Variants in CDIN1 observed in about 807,000 individuals in gnomAD.
CDIN1 encodes CDAN1-interacting nuclease 1.
In CDIN1, 33 loss-of-function variants were observed where a neutral mutation model predicts 45.3. The observed-to-expected ratio is 0.73, with a 90% CI of 0.55 to 0.97. CDIN1 has a LOEUF of 0.97. Ranked by LOEUF, CDIN1 falls within the 50% of genes least tolerant of loss-of-function variation. The probability of loss-of-function intolerance (pLI) is 0.00; values close to 1 mark genes in which losing one functional copy is unlikely to be tolerated. For missense variants in CDIN1, 303 were observed against 339.4 expected (o/e 0.89, Z 0.84); for synonymous variants, 118 against 124.4 (o/e 0.95, Z 0.34).
intron 8 of CDIN1, chr15:36,708,315 A>G (rs1262380172): frequency 6.6e-6 from 1 of 152,122 alleles, no homozygotes; most frequent in Non-Finnish European, 1.5e-5. Context: ...TCGGGCCATT[A>G]GTTGAGGTTG....
rs546693178 is a variant in CDIN1, at chr15:36,797,860, G to A, written c.717-10464G>A. ...CTGGGCATGGTGGTGCATGCCTGTA[G>A]TCCCAGCTCCTCAGGAGACTGAGGC... On this transcript the variant is annotated intron_variant, in intron 10 of 10. Transcript: ENST00000566621. 2.4e-4 allele frequency among the ~76,000 whole-genome samples: 37 copies of A among 151,634 alleles called. No homozygotes were observed. In the South Asian group the frequency reaches 4.4e-3, roughly 18 times the overall value.
In CDIN1 at chr15:36,621,812, A is replaced by G. The variant is rs143065471; in HGVS notation, c.102-22466A>G. 4.0e-5 allele frequency among the ~76,000 whole-genome samples: 6 copies of G among 151,854 alleles called. No individual in the cohort carries two copies. In the East Asian group the frequency reaches 9.6e-4, roughly 24 times the overall value. ...CATTCAAAATTGTGTGAAGGGCAGT[A>G]TCTGACTTAATTATAATATTTAGGG... On this transcript the variant is annotated intron_variant, in intron 1 of 10. Transcript: ENST00000566621.
At chr15:36,780,355 T>A (rs1289711546) in intron 10 of CDIN1, among the ~76,000 whole-genome samples, 1 of 152,190 alleles carries the variant, frequency 6.6e-6, no homozygotes, top group Non-Finnish European at 1.5e-5. Context: ...TAATAAGACA[T>A]GTGTAAACCA....
At chr15:36,671,472 G>T (rs1381467212) in intron 5 of CDIN1, among the ~76,000 whole-genome samples, 1 of 151,932 alleles carries the variant, frequency 6.6e-6, no homozygotes, top group Admixed American at 6.6e-5. Context: ...CTGACATATT[G>T]TGTGTGTGTT....
intron 7 of CDIN1, among the ~76,000 whole-genome samples, chr15:36,694,541 A>T (rs1166379489): frequency 1.3e-5 from 2 of 152,096 alleles, no homozygotes; most frequent in Non-Finnish European, 2.9e-5. Flanking sequence ...AAGCACAGTT[A>T]GCAAAGAGTA....
Position 36,663,012 on chromosome 15 carries a change from C to T in CDIN1, c.346+5107C>T, listed in dbSNP as rs139303894. 3.2e-3 allele frequency among the ~76,000 whole-genome samples: 491 copies of T among 151,894 alleles called. 1 individual carries two copies. Among genetic ancestry groups the T allele is most frequent in the Middle Eastern group, 0.021 (6 of 292 alleles). On this transcript the variant is annotated intron_variant, in intron 5 of 10. Transcript: ENST00000566621. ...ATTTCAGATTTTTGAATTTGGGATG[C>T]CCAACTTATGATCCTGTCTGTGCCT...
chr15:36,723,678 C>A (rs867043546), intron 10 of CDIN1, among the ~76,000 whole-genome samples: 2 of 152,202 alleles, frequency 1.3e-5, no homozygotes, highest in Admixed American at 1.3e-4. Context: ...GATCTTCCCA[C>A]CTCTGTCTCC....
intron 3 of CDIN1, among the ~76,000 whole-genome samples, chr15:36,650,059 A>T (rs926212499): frequency 6.6e-6 from 1 of 152,230 alleles, no homozygotes; most frequent in African/African-American, 2.4e-5. Context: ...TGAACATCTG[A>T]ATAAAGTTCT....
At chr15:36,679,073 A>G (rs959953249) in intron 5 of CDIN1, among the ~76,000 whole-genome samples, 2 of 151,014 alleles carry the variant, frequency 1.3e-5, no homozygotes, top group Non-Finnish European at 2.9e-5. Context: ...CAACACATTC[A>G]CCTAATACAC....
intron 10 of CDIN1, among the ~76,000 whole-genome samples, chr15:36,798,338 T>C (rs756798942): frequency 1.3e-5 from 2 of 152,212 alleles, no homozygotes; most frequent in Non-Finnish European, 2.9e-5. Flanking sequence ...TTCTAATTTA[T>C]TTTTTTCCCC....
chr15:36,705,712 A>G (rs1226161921), intron 8 of CDIN1: 1 of 152,210 alleles, frequency 6.6e-6, no homozygotes, highest in Non-Finnish European at 1.5e-5. Context: ...TAATTTTGAT[A>G]ATGAGCACTT....
chr15:36,678,880 T>C (rs758092716), intron 5 of CDIN1, among the ~76,000 whole-genome samples: 6 of 152,232 alleles, frequency 3.9e-5, no homozygotes, highest in Admixed American at 2.0e-4. Flanking sequence ...TAGCAGTAGC[T>C]GGCTACTTCT....
chr15:36,674,590 A>T (rs2041576293), intron 5 of CDIN1, among the ~76,000 whole-genome samples: 1 of 152,160 alleles, frequency 6.6e-6, no homozygotes, highest in Non-Finnish European at 1.5e-5. Context: ...TACAGTATAA[A>T]ACTACCATTA....
At chr15:36,587,794 A>AAGGAG (rs1015434451) in intron 1 of CDIN1, among the ~76,000 whole-genome samples, 18 of 152,152 alleles carry the variant, frequency 1.2e-4, no homozygotes, top group Admixed American at 1.2e-3. Flanking sequence ...TCATCTGTAA[A>AAGGAG]AGGAGAGGTG....
intron 10 of CDIN1, among the ~76,000 whole-genome samples, chr15:36,737,353 A>G (rs1184588514): frequency 4.6e-5 from 7 of 152,184 alleles, no homozygotes; most frequent in Non-Finnish European, 7.3e-5. Context: ...ATTTGAGGCT[A>G]AAGTTATGTT....
At chr15:36,615,017 C>T (rs1260945209) in intron 1 of CDIN1, among the ~76,000 whole-genome samples, 1 of 152,176 alleles carries the variant, frequency 6.6e-6, no homozygotes, top group Non-Finnish European at 1.5e-5. Context: ...GTTTTTGCCA[C>T]TGATTTAGCC....
chr15:36,644,684 T>G (rs1248181953), intron 2 of CDIN1, among the ~76,000 whole-genome samples: 3 of 152,068 alleles, frequency 2.0e-5, no homozygotes, highest in Middle Eastern at 3.2e-3. Context: ...ATTGCTGGAG[T>G]GGCAGAAGGC....
At position 36,795,069 on chromosome 15, in the gene CDIN1, G is replaced by A. The variant is rs763063834; in HGVS notation, c.717-13255G>A. 1.8e-4 allele frequency among the ~76,000 whole-genome samples: 28 copies of A among 152,244 alleles called. 1 individual carries two copies. Among genetic ancestry groups the A allele is most frequent in the Middle Eastern group, 3.4e-3 (1 of 294 alleles). ...TATCACATGTTTTCGTTCATATATC[G>A]GGGCTTCAAAAGTTGATCTCATGGG... On this transcript the variant is annotated intron_variant, in intron 10 of 10. Transcript: ENST00000566621.
intron 10 of CDIN1, among the ~76,000 whole-genome samples, chr15:36,793,640 T>C (rs2054706417): frequency 6.6e-6 from 1 of 152,236 alleles, no homozygotes; most frequent in African/African-American, 2.4e-5. Context: ...CAGTTTTCTG[T>C]ACTCAGGCAT....
Sources: gnomAD v4.1 joint callset for allele counts (sites outside exome capture counted in the v4.1 genomes callset) on GRCh38, gnomAD v4.1.1 for gene constraint, MANE v1.5 for transcripts, NCBI Gene and HGNC (gene_info 2026-07-23, HGNC 2026-07-21) for gene names.